Variants in NPAS2 observed in about 807,000 individuals in gnomAD.
NPAS2 encodes neuronal PAS domain protein 2.
A neutral mutation model predicts 107.5 loss-of-function variants in NPAS2; 23 were observed. The observed-to-expected ratio is 0.21, with a 90% CI of 0.15 to 0.30. The LOEUF (loss-of-function observed/expected upper bound fraction) is 0.30. Among genes scored for constraint, NPAS2 ranks in the 10% least tolerant of loss-of-function variants. The pLI, the probability that NPAS2 is intolerant of heterozygous loss-of-function variation, is 1.00. For synonymous variants in NPAS2, 403 were observed against 417.5 expected (o/e 0.97, Z 0.42); for missense variants, 756 against 1,043.3 (o/e 0.72, Z 3.79).
intron 13 of NPAS2, chr2:100,975,208 G>A: frequency 1.7e-6 from 1 of 574,238 alleles, no homozygotes; most frequent in Non-Finnish European, 3.1e-6. Flanking sequence ...AGTAATTCTG[G>A]GGAGGCGTCT....
intron 10 of NPAS2, among the ~76,000 whole-genome samples, chr2:100,966,657 A>C (rs1435262397): frequency 1.3e-5 from 2 of 148,430 alleles, no homozygotes; most frequent in Non-Finnish European, 3.0e-5. Flanking sequence ...GCAGTGGCGC[A>C]ATCTCGGCTC....
intron 16 of NPAS2, 150 bp from the exon 17 acceptor site, chr2:100,987,929 G>C (rs185865601): frequency 1.2e-6 from 1 of 817,326 alleles, no homozygotes; most frequent in South Asian, 1.6e-5. Context: ...GGGCATCACA[G>C]GTGCTCCATG....
At chr2:100,925,831 G>T (rs1456707430) in intron 3 of NPAS2, among the ~76,000 whole-genome samples, 2 of 152,140 alleles carry the variant, frequency 1.3e-5, no homozygotes, top group Non-Finnish European at 2.9e-5. Flanking sequence ...CCATTTTAAA[G>T]TGTAGAGTGC....
chr2:100,846,268 A>T (rs779045148), intron 1 of NPAS2, among the ~76,000 whole-genome samples: 4 of 152,268 alleles, frequency 2.6e-5, no homozygotes, highest in Non-Finnish European at 5.9e-5. Context: ...TTGCTAGAAG[A>T]TATGAATAAA....
At chr2:100,919,463 G>A (rs1683089358) in intron 2 of NPAS2, among the ~76,000 whole-genome samples, 1 of 151,998 alleles carries the variant, frequency 6.6e-6, no homozygotes, top group Non-Finnish European at 1.5e-5. Context: ...ACTGAGCCTT[G>A]CTTGGCTCTT....
chr2:100,890,426 T>C (rs959336493), intron 1 of NPAS2, among the ~76,000 whole-genome samples: 6 of 152,086 alleles, frequency 3.9e-5, no homozygotes, highest in Non-Finnish European at 7.4e-5. Context: ...CACAAAATTG[T>C]GCAGGCCTTC....
chr2:100,877,700 C>G (rs1680071556), intron 1 of NPAS2, among the ~76,000 whole-genome samples: 1 of 152,016 alleles, frequency 6.6e-6, no homozygotes, highest in African/African-American at 2.4e-5. Context: ...GTTTTTGCAC[C>G]CTGTGATTAC....
intron 1 of NPAS2, 142 bp from the exon 2 acceptor site, chr2:100,904,591 G>A (rs928030638): frequency 4.7e-6 from 3 of 633,872 alleles, no homozygotes; most frequent in Non-Finnish European, 8.5e-6. Context: ...CATTTTGAGA[G>A]TGTAAAGGGG....
intron 15 of NPAS2, among the ~76,000 whole-genome samples, chr2:100,980,324 C>G (rs565995743): frequency 1.3e-5 from 2 of 152,154 alleles, no homozygotes; most frequent in Admixed American, 6.5e-5. Context: ...TTTTGTGTTT[C>G]GTTAAATACT....
At chr2:100,877,149 T>A (rs1680020691) in intron 1 of NPAS2, among the ~76,000 whole-genome samples, 1 of 152,146 alleles carries the variant, frequency 6.6e-6, no homozygotes. Flanking sequence ...TGTGATCTCC[T>A]CCTGGGAATT....
chr2:100,960,168 T>TA, intron 7 of NPAS2, among the ~76,000 whole-genome samples: 1 of 152,266 alleles, frequency 6.6e-6, no homozygotes, highest in African/African-American at 2.4e-5. Flanking sequence ...ATCCCAAGAA[T>TA]ACCAGCCCAA....
rs780595376 is a variant in NPAS2, at chr2:100,974,964, T to C, written c.1282+20T>C. The C allele has an allele frequency of 1.2e-6, 2 of 1,612,932 alleles. No homozygotes were observed. The highest frequency in any genetic ancestry group is 2.2e-5 in the East Asian group (1 of 44,878). ...CCACCTGTGAGTGCGAGTCCATGGA[T>C]GGGGAGTGGGATGTCCACATCAGAC... is the stretch of plus-strand genomic sequence containing the variant. On this transcript the variant is annotated intron_variant, in intron 13 of 20. Transcript: ENST00000335681.
At chr2:100,904,288 A>G (rs1284017829) in intron 1 of NPAS2, among the ~76,000 whole-genome samples, 1 of 152,194 alleles carries the variant, frequency 6.6e-6, no homozygotes, top group Non-Finnish European at 1.5e-5. Flanking sequence ...AGAGGAACAG[A>G]TGCTGCTTCA....
intron 1 of NPAS2, among the ~76,000 whole-genome samples, chr2:100,891,446 C>T (rs900236434): frequency 2.0e-5 from 3 of 152,124 alleles, no homozygotes; most frequent in African/African-American, 2.4e-5. Context: ...CACCTGTTCT[C>T]GTTCTAAAGT....
intron 1 of NPAS2, among the ~76,000 whole-genome samples, chr2:100,863,396 G>A (rs950387403): frequency 9.2e-5 from 14 of 152,208 alleles, no homozygotes; most frequent in African/African-American, 3.1e-4. Flanking sequence ...CCTTTCCTGA[G>A]TTGCTATCTG....
intron 5 of NPAS2, among the ~76,000 whole-genome samples, chr2:100,946,640 G>A (rs1194241965): frequency 4.6e-5 from 7 of 152,220 alleles, no homozygotes; most frequent in African/African-American, 1.7e-4. Context: ...GAAGCCAAGG[G>A]ACAGTTGTGA....
chr2:100,983,038 T>C (rs1034126487), intron 16 of NPAS2: 2 of 152,412 alleles, frequency 1.3e-5, no homozygotes, highest in African/African-American at 4.8e-5. Context: ...CTTTTAATAA[T>C]ATATAATGTT....
At chr2:100,876,977 A>G (rs1222223534) in intron 1 of NPAS2, among the ~76,000 whole-genome samples, 1 of 152,180 alleles carries the variant, frequency 6.6e-6, no homozygotes, top group African/African-American at 2.4e-5. Context: ...AGAAGAACCA[A>G]AGAGGTTTGG....
chr2:100,900,263 T>A (rs1558854308), intron 1 of NPAS2, among the ~76,000 whole-genome samples: 1 of 152,088 alleles, frequency 6.6e-6, no homozygotes, highest in Non-Finnish European at 1.5e-5. Flanking sequence ...AGACTAACAG[T>A]CCAATTTTTT....
Sources: gnomAD v4.1 joint callset for allele counts (sites outside exome capture counted in the v4.1 genomes callset) on GRCh38, gnomAD v4.1.1 for gene constraint, MANE v1.5 for transcripts, NCBI Gene and HGNC (gene_info 2026-07-23, HGNC 2026-07-21) for gene names.